SLC68A1: variants seen among roughly 807,000 people sequenced by gnomAD.
SLC68A1 encodes solute carrier family 68 member 1, also known as major facilitator superfamily domain containing 13A.
At chr10:102,469,633 G>A in the SLC68A1 span, among the ~76,000 whole-genome samples, 1 of 150,488 alleles carries the variant, frequency 6.6e-6, no homozygotes, top group South Asian at 2.1e-4. Flanking sequence ...TGCAACCTCC[G>A]CCTTCGTGGT....
the SLC68A1 span, chr10:102,469,050 G>A: frequency 6.2e-6 from 10 of 1,613,646 alleles, no homozygotes; most frequent in Non-Finnish European, 8.5e-6. Flanking sequence ...GTCAGCCCCA[G>A]GCCTGGTTGC....
the SLC68A1 span, chr10:102,476,305 T>G: frequency 3.5e-6 from 1 of 283,532 alleles, no homozygotes; most frequent in Admixed American, 5.8e-5. Flanking sequence ...TGACCTTAGG[T>G]GATCAGCCCG....
At chr10:102,470,749 G>A in the SLC68A1 span, 454 of 1,613,876 alleles carry the variant, frequency 2.8e-4, 2 homozygotes, top group South Asian at 4.5e-3. Flanking sequence ...TGGCGCTGTC[G>A]TTCCTGGCGT....
the SLC68A1 span, among the ~76,000 whole-genome samples, chr10:102,474,427 T>G: frequency 2.6e-5 from 4 of 152,016 alleles, no homozygotes; most frequent in Admixed American, 2.6e-4. Context: ...CTATGTAGTA[T>G]TATCAGGGAA....
chr10:102,474,024 G>T, the SLC68A1 span: 31 of 1,583,858 alleles, frequency 2.0e-5, no homozygotes, highest in Non-Finnish European at 2.7e-5. Flanking sequence ...TGAGGGCCTG[G>T]TAGCAGGCAA....
chr10:102,469,293 A>T, the SLC68A1 span: 1 of 1,284,346 alleles, frequency 7.8e-7, no homozygotes, highest in Non-Finnish European at 1.1e-6. Context: ...GCCTGGTCCC[A>T]CCCAGTCAGA....
At chr10:102,476,774 C>T in the SLC68A1 span, 63 of 985,912 alleles carry the variant, frequency 6.4e-5, no homozygotes, top group Non-Finnish European at 6.7e-5. Context: ...GAGCCCATCC[C>T]GCTGCCTGAC....
the SLC68A1 span, chr10:102,470,809 C>T: frequency 6.2e-7 from 1 of 1,613,896 alleles, no homozygotes; most frequent in Non-Finnish European, 8.5e-7. Flanking sequence ...TGTGCCTGTG[C>T]CTCTATGATG....
the SLC68A1 span, among the ~76,000 whole-genome samples, chr10:102,463,169 CTTT>C: frequency 2.4e-3 from 314 of 131,698 alleles, no homozygotes; most frequent in Admixed American, 3.4e-3. Context: ...CCCAGCCCTG[CTTT>C]TTTTTTTTTT....
the SLC68A1 span, among the ~76,000 whole-genome samples, chr10:102,466,568 AG>A: frequency 6.6e-6 from 1 of 151,864 alleles, no homozygotes; most frequent in East Asian, 1.9e-4. Flanking sequence ...GAATTGCCTG[AG>A]GTTACACTCT....
At chr10:102,463,219 C>T in the SLC68A1 span, among the ~76,000 whole-genome samples, 1 of 147,000 alleles carries the variant, frequency 6.8e-6, no homozygotes, top group Non-Finnish European at 1.5e-5. Flanking sequence ...GTCCTCCAGG[C>T]TGGAGTGCAG....
chr10:102,462,312 T>C, the SLC68A1 span, among the ~76,000 whole-genome samples: 1 of 152,324 alleles, frequency 6.6e-6, no homozygotes, highest in African/African-American at 2.4e-5. Flanking sequence ...TTCCTGAGGA[T>C]AGGCAGAGAA....
At chr10:102,468,912 G>A in the SLC68A1 span, 2 of 791,536 alleles carry the variant, frequency 2.5e-6, no homozygotes, top group Admixed American at 2.7e-5. Flanking sequence ...TAAGAACAGA[G>A]CTGGCTCTGA....
chr10:102,470,710 G>T, the SLC68A1 span: 3 of 1,612,846 alleles, frequency 1.9e-6, no homozygotes, highest in South Asian at 3.3e-5. Context: ...TGGCCCGGGT[G>T]CAGGCCCTGG....
At chr10:102,468,913 C>T in the SLC68A1 span, 1 of 792,380 alleles carries the variant, frequency 1.3e-6, no homozygotes, top group East Asian at 2.7e-5. Flanking sequence ...AAGAACAGAG[C>T]TGGCTCTGAT....
chr10:102,467,625 T>G, the SLC68A1 span, among the ~76,000 whole-genome samples: 3 of 151,624 alleles, frequency 2.0e-5, no homozygotes, highest in South Asian at 6.3e-4. Context: ...CCCACGGGGG[T>G]GGTGGTGGGG....
the SLC68A1 span, among the ~76,000 whole-genome samples, chr10:102,467,077 G>A: frequency 0.052 from 7,936 of 152,218 alleles, 294 homozygotes; most frequent in East Asian, 0.098. Context: ...TTGCTCCGTC[G>A]CCCAGGCTGA....
the SLC68A1 span, chr10:102,475,864 T>C: frequency 6.2e-7 from 1 of 1,614,040 alleles, no homozygotes; most frequent in Non-Finnish European, 8.5e-7. Flanking sequence ...CCATCACCTG[T>C]GCTCTGCTGC....
chr10:102,464,323 C>T, the SLC68A1 span, among the ~76,000 whole-genome samples: 7 of 152,080 alleles, frequency 4.6e-5, no homozygotes, highest in East Asian at 3.9e-4. Flanking sequence ...TGGTGGCGCA[C>T]GCCTGTGATC....
Sources: gnomAD v4.1 joint callset for allele counts (sites outside exome capture counted in the v4.1 genomes callset) on GRCh38, gnomAD v4.1.1 for gene constraint, MANE v1.5 for transcripts, NCBI Gene and HGNC (gene_info 2026-07-23, HGNC 2026-07-21) for gene names.